The following DENND2C variants were observed in gnomAD, a reference collection of about 807,000 sequenced individuals.
The protein encoded by DENND2C is DENN domain containing 2C, also known as DENN domain-containing protein 2C.
A neutral mutation model predicts 112.4 loss-of-function variants in DENND2C; 72 were observed. The observed-to-expected ratio is 0.64, with a 90% CI of 0.53 to 0.78. DENND2C has a LOEUF of 0.78. Among genes scored for constraint, DENND2C ranks in the 30% least tolerant of loss-of-function variants. DENND2C has a pLI of 0.00. For synonymous variants in DENND2C, 329 were observed against 381.6 expected, an observed-to-expected ratio of 0.86 and a Z score of 1.61; for missense variants, 992 against 1,113.8, an observed-to-expected ratio of 0.89 and a Z score of 1.56.
chr1:114,612,000 T>G (rs1175084433), intron 8 of DENND2C, among the ~76,000 whole-genome samples: 1 of 152,186 alleles, frequency 6.6e-6, no homozygotes, highest in African/African-American at 2.4e-5. Context: ...GGAAAATATT[T>G]GTAAACACAT....
chr1:114,609,141 A>C (rs1220119291), intron 9 of DENND2C, among the ~76,000 whole-genome samples: 1 of 152,240 alleles, frequency 6.6e-6, no homozygotes, highest in East Asian at 1.9e-4. Context: ...ATACTTATGT[A>C]TGTCCCAACA....
chr1:114,610,062 C>G (rs1443203286), intron 9 of DENND2C, among the ~76,000 whole-genome samples: 1 of 152,200 alleles, frequency 6.6e-6, no homozygotes, highest in Admixed American at 6.5e-5. Context: ...GACTATTAAT[C>G]ATAAAATTAG....
At chr1:114,586,168 G>T (rs1442232643) in intron 20 of DENND2C, among the ~76,000 whole-genome samples, 1 of 152,144 alleles carries the variant, frequency 6.6e-6, no homozygotes, top group Non-Finnish European at 1.5e-5. Context: ...CTGTTCTCTT[G>T]TATCATACTA....
rs576430905 is a variant in DENND2C, at chr1:114,587,459, G to A, written c.2683C>T (p.Arg895Trp). Residue 895 changes from arginine (R) to tryptophan (W), a missense_variant, in exon 20 of 21, where the codon CGG becomes TGG. This residue lies in a region of DENND2C where 516 missense variants were observed against 623.6 expected (regional missense o/e 0.83). Coordinates refer to ENST00000393274, the MANE Select transcript of DENND2C (RefSeq NM_001256404.2). The stretch of plus-strand genomic sequence containing the variant: ...ATTGTTTCCAAATACTGGATGGCCC[G>A]GATCTCAAACAAACCTACAAGGAAA... ...KSGVKGLFEIRAIQYLETIPE... is the reference protein window; with the variant it reads ...KSGVKGLFEIWAIQYLETIPE... 1.2e-5 allele frequency: 19 copies of A among 1,614,098 alleles called. No individual in the cohort carries two copies. The East Asian group carries it at 3.3e-4, about 28-fold the overall frequency.
chr1:114,623,758 CAG>C (rs1254210669), intron 4 of DENND2C, 115 bp from the exon 5 acceptor site: 12 of 960,792 alleles, frequency 1.2e-5, no homozygotes, highest in Non-Finnish European at 1.7e-5. Flanking sequence ...TTTTTTGAGA[CAG>C]AATCTCAGTC....
At chr1:114,601,819 C>T (rs1256558662) in intron 12 of DENND2C, among the ~76,000 whole-genome samples, 2 of 152,148 alleles carry the variant, frequency 1.3e-5, no homozygotes, top group Non-Finnish European at 2.9e-5. Flanking sequence ...TGGTGAGTAA[C>T]TCAGAGCTCC....
intron 1 of DENND2C, among the ~76,000 whole-genome samples, chr1:114,659,233 A>T (rs1167154715): frequency 6.6e-6 from 1 of 152,106 alleles, no homozygotes; most frequent in Non-Finnish European, 1.5e-5. Flanking sequence ...AGGCGCGGTG[A>T]CTCACGCCTA....
intron 11 of DENND2C, among the ~76,000 whole-genome samples, chr1:114,603,817 G>A (rs1379677468): frequency 6.6e-6 from 1 of 152,096 alleles, no homozygotes; most frequent in Non-Finnish European, 1.5e-5. Context: ...GATTACAGGT[G>A]TGAGCCACTG....
At chr1:114,655,901 A>G (rs1256907484) in intron 1 of DENND2C, among the ~76,000 whole-genome samples, 8 of 68,012 alleles carry the variant, frequency 1.2e-4, no homozygotes, top group African/African-American at 7.9e-4. Context: ...TATATATATA[A>G]TATGTATGTC....
chr1:114,636,546 T>G (rs1392376876), intron 3 of DENND2C, among the ~76,000 whole-genome samples: 1 of 152,022 alleles, frequency 6.6e-6, no homozygotes, highest in Non-Finnish European at 1.5e-5. Context: ...GTGCCTGCAG[T>G]CACAGCTACT....
chr1:114,658,745 C>A (rs1484286307), intron 1 of DENND2C, among the ~76,000 whole-genome samples: 1 of 117,532 alleles, frequency 8.5e-6, no homozygotes, highest in Non-Finnish European at 2.2e-5. Flanking sequence ...ACAAGAGGGT[C>A]AAAAGAATGG....
chr1:114,614,279 A>G (rs920693983), intron 8 of DENND2C, among the ~76,000 whole-genome samples: 9 of 152,064 alleles, frequency 5.9e-5, no homozygotes, highest in Non-Finnish European at 1.3e-4. Flanking sequence ...GAATATATTC[A>G]GTAAACTCTA....
chr1:114,637,502 T>G (rs1271707380), intron 3 of DENND2C, among the ~76,000 whole-genome samples: 1 of 151,934 alleles, frequency 6.6e-6, no homozygotes, highest in African/African-American at 2.4e-5. Flanking sequence ...TACACATTAA[T>G]GTACTGGAAT....
chr1:114,630,265 G>A (rs577296386), intron 3 of DENND2C, among the ~76,000 whole-genome samples: 2 of 151,396 alleles, frequency 1.3e-5, no homozygotes, highest in Admixed American at 1.3e-4. Flanking sequence ...CCGAGATCGC[G>A]CCACTTCATT....
rs866243058 is a variant in DENND2C, at chr1:114,625,179, C to T, written c.806G>A (p.Arg269Lys). 2 of 1,601,008 alleles carry T rather than the reference C, an allele frequency of 1.2e-6. No homozygotes were observed. The highest frequency in any genetic ancestry group is 1.7e-6 in the Non-Finnish European group (2 of 1,175,604). ...YGGKIRGRSK[R>K]KSFEFEDIQH... is the part of the protein sequence containing the mutation. Reference sequence around the variant, plus strand: ...CTTTATCTGTAGGATAAAAACATACCTTTTAGATCTTCCTCTGATTTTTCC... The same window carrying T: ...CTTTATCTGTAGGATAAAAACATACTTTTTAGATCTTCCTCTGATTTTTCC... Residue 269 changes from arginine (R) to lysine (K), a missense_variant and splice_region_variant, in exon 4 of 21, where the codon AGG becomes AAG. Around this residue, in one of 3 missense-constraint regions of DENND2C, gnomAD observed 470 missense variants for 472.7 expected, o/e 0.99. Transcript: ENST00000393274.
chr1:114,619,166 TG>T (rs910721164), intron 7 of DENND2C, among the ~76,000 whole-genome samples: 13 of 152,152 alleles, frequency 8.5e-5, no homozygotes, highest in Non-Finnish European at 1.8e-4. Context: ...TCTTTGCTAC[TG>T]GGAGAGATGT....
intron 17 of DENND2C, 65 bp downstream of exon 17, chr1:114,595,767 C>T (rs1655325772): frequency 1.4e-6 from 2 of 1,408,672 alleles, no homozygotes; most frequent in East Asian, 2.3e-5. Context: ...CACATATTGT[C>T]TGTCCAATTA....
At chr1:114,616,002 G>A (rs1163974201) in intron 8 of DENND2C, among the ~76,000 whole-genome samples, 1 of 152,168 alleles carries the variant, frequency 6.6e-6, no homozygotes, top group East Asian at 1.9e-4. Flanking sequence ...ATGAACCCGG[G>A]AGGCGGAGCT....
intron 1 of DENND2C, among the ~76,000 whole-genome samples, chr1:114,668,181 T>C (rs1226004414): frequency 6.6e-6 from 1 of 152,112 alleles, no homozygotes; most frequent in African/African-American, 2.4e-5. Flanking sequence ...ATCAAGAAAT[T>C]GTAAATCACA....
Sources: allele counts gnomAD v4.1 joint callset (sites outside exome capture counted in the v4.1 genomes callset), GRCh38; gene constraint gnomAD v4.1.1; regional missense constraint gnomAD v4.1.1; transcripts MANE v1.5; gene names NCBI Gene and HGNC (gene_info 2026-07-23, HGNC 2026-07-21).